Variants in ROBO4 observed in about 807,000 individuals in gnomAD.
ROBO4 encodes roundabout homolog 4.
Under a neutral mutation model 103.3 loss-of-function variants are expected in ROBO4, and 80 were observed. The observed-to-expected ratio is 0.77, with a 90% CI of 0.65 to 0.93. ROBO4 has a LOEUF of 0.93. Ranked by LOEUF, ROBO4 falls within the 40% of genes least tolerant of loss-of-function variation. The pLI is 0.00. For synonymous variants in ROBO4, 504 were observed against 529.7 expected, an observed-to-expected ratio of 0.95 and a Z score of 0.67; for missense variants, 1,333 against 1,305.3, an observed-to-expected ratio of 1.02 and a Z score of -0.33.
intron 12 of ROBO4, 69 bp from the exon 13 acceptor site, chr11:124,887,909 CTTCAGCCTTATTCAA>C: frequency 3.8e-6 from 5 of 1,319,996 alleles, no homozygotes; most frequent in Non-Finnish European, 5.3e-6. Context: ...CTGGCTCTAT[CTTCAGCCTTATTCAA>C]TTCAGCCTGC....
chr11:124,894,638 C>T (rs531750344), intron 7 of ROBO4, among the ~76,000 whole-genome samples: 77 of 152,334 alleles, frequency 5.1e-4, no homozygotes, highest in Admixed American at 2.1e-3. Context: ...ACCAGGGGGG[C>T]CTGCTATAGT....
chr11:124,887,216 G>A lies in ROBO4; in HGVS notation c.2199-3C>T, dbSNP rs1424566596. The A allele has an allele frequency of 6.3e-7, 1 of 1,588,588 alleles. No individual in the cohort carries two copies. The highest frequency in any genetic ancestry group is 1.3e-5 in the African/African-American group (1 of 74,358). ...GAGCCTGTGGTGCCACCGGAGGCCT[G>A]ATTTGCGGGAGAGAGTGATGGCACC... is the stretch of plus-strand genomic sequence containing the variant. On this transcript the variant is annotated splice_polypyrimidine_tract_variant and splice_region_variant and intron_variant, in intron 14 of 17. Coordinates refer to ENST00000306534, the MANE Select transcript of ROBO4 (RefSeq NM_019055.6).
At chr11:124,894,509 T>G (rs575061969) in intron 7 of ROBO4, 140 bp from the exon 8 acceptor site, 25 of 740,900 alleles carry the variant, frequency 3.4e-5, no homozygotes, top group Admixed American at 5.8e-5. Context: ...CCTATTCCCC[T>G]CCTATTCTCC....
In ROBO4 at chr11:124,885,062, A is replaced by C; in HGVS notation, c.2980T>G (p.Cys994Gly). The change falls in exon 17 of 18, where the codon TGT becomes GGT. Residue 994 changes from cysteine to glycine, a missense_variant. Coordinates refer to ENST00000306534, the MANE Select transcript of ROBO4 (RefSeq NM_019055.6). ...QISSQRSQLH[C>G]RMPKAGASPV... ...TCACCACCAGCCTTGGGCATACGAC[A>C]GTGGAGCTGACTTCTCTGGGAAGAG... 6.2e-7 allele frequency: 1 copy of C among 1,614,152 alleles called. No individual in the cohort carries two copies. The highest frequency in any genetic ancestry group is 8.5e-7 in the Non-Finnish European group (1 of 1,180,020).
chr11:124,892,019 G>A (rs949787316), intron 10 of ROBO4: 9 of 707,434 alleles, frequency 1.3e-5, no homozygotes, highest in Admixed American at 1.2e-4. Context: ...GGGGAAATCC[G>A]AGTCACCCAG....
chr11:124,893,893 G>T lies in ROBO4; in HGVS notation c.1471C>A (p.Arg491Ser), dbSNP rs374471211. Residue 491 changes from arginine to serine, a missense_variant, in exon 9 of 18, where the codon CGC (arginine) becomes AGC (serine). Arg to Ser is a moderately radical substitution (Grantham distance 110). Transcript: ENST00000306534. Reference sequence around the variant, plus strand: ...AGGTGCACCCTAGCTCGGCGCCGGCGGTGGATACACACGGCGGTGCCCAGA... The same window carrying T: ...AGGTGCACCCTAGCTCGGCGCCGGCTGTGGATACACACGGCGGTGCCCAGA... ...LLLGTAVCIH[R>S]RRRARVHLGP... 1 of 1,612,706 alleles carries T rather than the reference G, an allele frequency of 6.2e-7. No homozygotes were observed. Among genetic ancestry groups the T allele is most frequent in the Non-Finnish European group, 8.5e-7 (1 of 1,179,816 alleles).
intron 8 of ROBO4, 71 bp from the exon 9 acceptor site, chr11:124,894,116 G>C (rs1368580105): frequency 2.6e-6 from 4 of 1,553,406 alleles, no homozygotes. Flanking sequence ...AGGGGGAAGA[G>C]CTGGAAGTGT....
At chr11:124,886,381 T>C (rs1946711778) in intron 16 of ROBO4, 83 bp downstream of exon 16, 1 of 1,044,418 alleles carries the variant, frequency 9.6e-7, no homozygotes, top group South Asian at 1.5e-5. Context: ...TAAAACTAGT[T>C]GTTTTAACAA....
In ROBO4 at chr11:124,894,261, C is replaced by G; in HGVS notation, c.1258G>C (p.Val420Leu). 3 of 1,614,090 alleles carry G rather than the reference C, an allele frequency of 1.9e-6. No homozygotes were observed. The highest frequency in any genetic ancestry group is 2.5e-6 in the Non-Finnish European group (3 of 1,180,000). ...GCTCCAGCACCAGTGACTGCAGCCA[C>G]TTGCACGCAGTAGGAGCCTGGCATA... The part of the protein sequence containing the change: ...THMPGSYCVQ[V>L]AAVTGAGAGE... Residue 420 changes from valine (V) to leucine (L), a missense_variant, in exon 8 of 18, where the codon GTG becomes CTG. Transcript: ENST00000306534.
At chr11:124,895,347 G>C (rs1253333500) in intron 6 of ROBO4, 110 bp downstream of exon 6, 7 of 1,222,234 alleles carry the variant, frequency 5.7e-6, no homozygotes, top group African/African-American at 4.5e-5. Flanking sequence ...GGAGTCCCAG[G>C]GTAGGACCCA....
Position 124,887,421 on chromosome 11 carries a change from C to T in ROBO4, c.2135G>A (p.Arg712His), listed in dbSNP as rs147340062. 1.8e-4 allele frequency: 296 copies of T among 1,614,000 alleles called. 1 individual carries two copies. Among genetic ancestry groups the T allele is most frequent in the Admixed American group, 1.2e-3 (72 of 60,006 alleles). The change falls in exon 14 of 18, where the codon CGT (arginine) becomes CAT (histidine). Residue 712 changes from arginine (R) to histidine (H), a missense_variant. By Grantham distance (29) the Arg-to-His change is conservative (BLOSUM62 0). Transcript: ENST00000306534. ...AAAGAGGGGTGCTGGAGGGAGATGACGAGTAACCAGCTCATTTGAGGAGCT... is the reference window on the plus strand; with the variant it reads ...AAAGAGGGGTGCTGGAGGGAGATGATGAGTAACCAGCTCATTTGAGGAGCT... The part of the protein sequence containing the change: ...LLSSSNELVT[R>H]HLPPAPLFPH...
At chr11:124,892,917 C>T (rs558599290) in intron 10 of ROBO4, 2 of 152,696 alleles carry the variant, frequency 1.3e-5, no homozygotes, top group South Asian at 2.1e-4. Context: ...CAGCTTGGAC[C>T]CCTGCTCTGG....
chr11:124,894,457 G>T, intron 7 of ROBO4, 88 bp from the exon 8 acceptor site: 1 of 1,345,104 alleles, frequency 7.4e-7, no homozygotes, highest in South Asian at 1.4e-5. Context: ...CAGGGGTGTG[G>T]TTATTCTGCC....
Position 124,887,136 on chromosome 11 carries a change from G to C in ROBO4, c.2276C>G (p.Pro759Arg), listed in dbSNP as rs1006425419. Residue 759 changes from proline (P) to arginine (R), a missense_variant, in exon 15 of 18, where the codon CCC becomes CGC. By Grantham distance (103) the Pro-to-Arg change is moderately radical (BLOSUM62 -2). Coordinates refer to ENST00000306534, the MANE Select transcript of ROBO4 (RefSeq NM_019055.6). ...GAGGGAAGAGGCCTGGGGGCTAGGG[G>C]GACTGCAGGGGCTAAGGATGGGGAT... is the stretch of plus-strand genomic sequence containing the variant. Reference protein sequence around the residue: ...APIPILSPCSPPSPQASSLSG... With the variant: ...APIPILSPCSRPSPQASSLSG... The C allele has an allele frequency of 2.5e-6, 4 of 1,612,758 alleles. No homozygotes were observed. The highest frequency in any genetic ancestry group is 3.4e-6 in the Non-Finnish European group (4 of 1,179,338).
Position 124,886,783 on chromosome 11 carries a change from G to C in ROBO4, c.2475C>G (p.Pro825=), listed in dbSNP as rs766587091. The change falls in exon 16 of 18, where the codon CCC becomes CCG. Residue 825 remains proline (P), a synonymous_variant. Transcript: ENST00000306534. ...VSPMPRAPSP[P]TTYGYISVPT... ...GGACGCTGATGTACCCATAGGTGGTGGGGGGTGAAGGAGCCCTTGGCATGG... is the reference window on the plus strand; with the variant it reads ...GGACGCTGATGTACCCATAGGTGGTCGGGGGTGAAGGAGCCCTTGGCATGG... 5 of 1,541,206 alleles carry C rather than the reference G, an allele frequency of 3.2e-6. No individual in the cohort carries two copies. In the South Asian group the frequency reaches 5.1e-5, roughly 16 times the overall value.
At chr11:124,895,724 G>T (rs974648938) in intron 5 of ROBO4, 39 bp from the exon 6 acceptor site, 3 of 1,612,458 alleles carry the variant, frequency 1.9e-6, no homozygotes, top group South Asian at 1.1e-5. Context: ...GGGTCAGAGA[G>T]CTCAGGAACG....
rs917524206 is a variant in ROBO4, at chr11:124,895,290, G to A, written c.1037-97C>T. The stretch of plus-strand genomic sequence containing the variant: ...GACACAGCGTCAGAACCCTACTGAA[G>A]AGACAAGAAGCCTCTTGAAGCTCTG... On this transcript the variant is annotated intron_variant, in intron 6 of 17. Coordinates refer to ENST00000306534, the MANE Select transcript of ROBO4 (RefSeq NM_019055.6). The A allele has an allele frequency of 1.0e-5, 12 of 1,172,096 alleles. No individual in the cohort carries two copies. In the South Asian group the frequency reaches 1.3e-4, roughly 13 times the overall value. The allele number at this position is 1,172,096 out of a possible 1,614,324, so 72.6% of individuals were successfully genotyped here.
intron 7 of ROBO4, 129 bp from the exon 8 acceptor site, chr11:124,894,498 T>G (rs1317227536): frequency 3.6e-6 from 3 of 842,518 alleles, no homozygotes; most frequent in Admixed American, 2.8e-5. Context: ...GCACCCAATT[T>G]CCTATTCCCC....
At position 124,894,057 on chromosome 11, in the gene ROBO4, G is replaced by C; in HGVS notation, c.1319-12C>G. The C allele has an allele frequency of 1.3e-6, 2 of 1,541,598 alleles. No homozygotes were observed. The highest frequency in any genetic ancestry group is 1.7e-6 in the Non-Finnish European group (2 of 1,143,136). Reference sequence around the variant, plus strand: ...CTCCATGGCCTGCTCTGTATGGGATGCAGAGCTCAGAGGGAGAGGGAGTCG... The same window carrying C: ...CTCCATGGCCTGCTCTGTATGGGATCCAGAGCTCAGAGGGAGAGGGAGTCG... On this transcript the variant is annotated splice_polypyrimidine_tract_variant and intron_variant, in intron 8 of 17. Coordinates refer to ENST00000306534, the MANE Select transcript of ROBO4 (RefSeq NM_019055.6).
Sources: allele counts gnomAD v4.1 joint callset (sites outside exome capture counted in the v4.1 genomes callset), GRCh38; gene constraint gnomAD v4.1.1; transcripts MANE v1.5; gene names NCBI Gene and HGNC (gene_info 2026-07-23, HGNC 2026-07-21).